RAD51B: variants seen among roughly 807,000 people sequenced by gnomAD.
The protein encoded by RAD51B is DNA repair protein RAD51 homolog 2.
Under a neutral mutation model 42.2 loss-of-function variants are expected in RAD51B, and 38 were observed. The observed-to-expected ratio is 0.90, with a 90% CI of 0.70 to 1.18. The LOEUF is 1.18. RAD51B is among the 50% of genes most tolerant of loss of function. The pLI, the probability that RAD51B is intolerant of heterozygous loss-of-function variation, is 0.00. For synonymous variants in RAD51B, 154 were observed against 145.2 expected, an observed-to-expected ratio of 1.06 and a Z score of -0.43; for missense variants, 373 against 400.7, an observed-to-expected ratio of 0.93 and a Z score of 0.59.
intron 7 of RAD51B, among the ~76,000 whole-genome samples, chr14:68,089,465 C>A (rs1350202298): frequency 6.6e-6 from 1 of 152,184 alleles, no homozygotes. Context: ...AGTGACCCAG[C>A]AGGGGGCTGG....
intron 5 of RAD51B, among the ~76,000 whole-genome samples, chr14:67,881,528 G>A (rs958288036): frequency 6.6e-6 from 1 of 152,120 alleles, no homozygotes; most frequent in African/African-American, 2.4e-5. Flanking sequence ...TGCCCCATAA[G>A]TTCTAGCCAC....
At chr14:68,628,174 A>G (rs760642558) in intron 10 of RAD51B, among the ~76,000 whole-genome samples, 2 of 152,188 alleles carry the variant, frequency 1.3e-5, no homozygotes, top group Non-Finnish European at 2.9e-5. Context: ...GTCATTGAAA[A>G]TTTGGGTTCT....
chr14:68,088,134 A>G (rs946304802), intron 7 of RAD51B, among the ~76,000 whole-genome samples: 1 of 149,968 alleles, frequency 6.7e-6, no homozygotes, highest in African/African-American at 2.5e-5. Flanking sequence ...GATCAAAATC[A>G]AGGATCTCAT....
At chr14:68,460,589 G>A (rs1467326892) in intron 9 of RAD51B, among the ~76,000 whole-genome samples, 5 of 152,146 alleles carry the variant, frequency 3.3e-5, no homozygotes, top group African/African-American at 7.2e-5. Context: ...TCAGATGAGG[G>A]CCACACCTAT....
rs189830720 is a variant in RAD51B, at chr14:68,633,176, C to T, written c.1037-17605C>T. On this transcript the variant is annotated intron_variant, in intron 10 of 11. Coordinates refer to the RAD51B transcript ENST00000488612. Reference sequence around the variant, plus strand: ...ATGCCATTGCCTCCTGGCTAAACTGCTCTCCACACAAGTTAGTTCCACAGA... The same window carrying T: ...ATGCCATTGCCTCCTGGCTAAACTGTTCTCCACACAAGTTAGTTCCACAGA... Among the ~76,000 whole-genome samples the T allele has an allele frequency of 9.4e-4, 142 of 151,708 alleles. 3 individuals carry two copies. The highest frequency in any genetic ancestry group is 9.3e-3 in the Admixed American group (141 of 15,226).
chr14:67,842,702 A>G (rs180836213), intron 4 of RAD51B, among the ~76,000 whole-genome samples: 1 of 152,310 alleles, frequency 6.6e-6, no homozygotes, highest in Non-Finnish European at 1.5e-5. Flanking sequence ...TGCTCTGGCT[A>G]GGACTTCCTG....
At chr14:67,965,534 C>A (rs1595176678) in intron 7 of RAD51B, among the ~76,000 whole-genome samples, 1 of 152,062 alleles carries the variant, frequency 6.6e-6, no homozygotes, top group Admixed American at 6.6e-5. Context: ...TCCCCATTAA[C>A]ACATAAGGGA....
At chr14:67,872,730 C>G (rs1181472610) in intron 5 of RAD51B, among the ~76,000 whole-genome samples, 4 of 150,946 alleles carry the variant, frequency 2.6e-5, no homozygotes, top group Non-Finnish European at 4.4e-5. Flanking sequence ...GGTACTGGTA[C>G]CAAAACAGAG....
chr14:67,848,304 A>C (rs185095497), intron 4 of RAD51B, among the ~76,000 whole-genome samples: 6 of 152,350 alleles, frequency 3.9e-5, no homozygotes, highest in African/African-American at 1.2e-4. Flanking sequence ...GGCGTGAGCC[A>C]CCACGCCTGG....
At chr14:68,656,196 C>G (rs1171320900) in intron 11 of RAD51B, among the ~76,000 whole-genome samples, 4 of 152,156 alleles carry the variant, frequency 2.6e-5, no homozygotes, top group African/African-American at 7.2e-5. Flanking sequence ...TTTGAAAAGC[C>G]TGGACCCTGC....
intron 10 of RAD51B, among the ~76,000 whole-genome samples, chr14:68,619,270 C>T (rs1480983331): frequency 2.0e-5 from 3 of 151,956 alleles, no homozygotes; most frequent in Non-Finnish European, 2.9e-5. Flanking sequence ...GTCCAGAGAT[C>T]GAGACCATCC....
At chr14:68,054,080 G>A (rs1460649119) in intron 7 of RAD51B, among the ~76,000 whole-genome samples, 2 of 152,078 alleles carry the variant, frequency 1.3e-5, no homozygotes, top group African/African-American at 4.8e-5. Flanking sequence ...TGAAAACAAG[G>A]ACAGTCTCTT....
intron 10 of RAD51B, among the ~76,000 whole-genome samples, chr14:68,639,391 C>T (rs4643253): frequency 0.58 from 87,456 of 150,422 alleles, 25,934 homozygotes; most frequent in East Asian, 0.77. Context: ...TGGCAGGAGG[C>T]TTTTATGAGC....
intron 9 of RAD51B, among the ~76,000 whole-genome samples, chr14:68,428,466 G>A (rs1245442716): frequency 6.6e-6 from 1 of 151,888 alleles, no homozygotes; most frequent in African/African-American, 2.4e-5. Flanking sequence ...TACAGCAGAT[G>A]TCTGGAACTT....
intron 8 of RAD51B, among the ~76,000 whole-genome samples, chr14:68,297,733 A>G (rs2139679419): frequency 6.6e-6 from 1 of 152,322 alleles, no homozygotes; most frequent in South Asian, 2.1e-4. Context: ...TAGCTTTTCC[A>G]TAGTATTTTT....
At chr14:68,167,751 G>A (rs974621517) in intron 7 of RAD51B, among the ~76,000 whole-genome samples, 2 of 152,078 alleles carry the variant, frequency 1.3e-5, no homozygotes, top group Admixed American at 6.6e-5. Flanking sequence ...TTCATAGACA[G>A]TCTGACATTT....
intron 7 of RAD51B, chr14:68,125,391 A>G (rs1342006532): frequency 1.3e-5 from 2 of 152,170 alleles, no homozygotes; most frequent in East Asian, 1.9e-4. Context: ...GCTTGTTTCC[A>G]TGAGAGCTGG....
intron 8 of RAD51B, among the ~76,000 whole-genome samples, chr14:68,312,001 T>C (rs922791185): frequency 6.6e-6 from 1 of 152,254 alleles, no homozygotes; most frequent in African/African-American, 2.4e-5. Flanking sequence ...CAATTCATGT[T>C]GTACAAATCA....
At chr14:68,358,055 G>A (rs1490323487) in intron 8 of RAD51B, among the ~76,000 whole-genome samples, 1 of 152,190 alleles carries the variant, frequency 6.6e-6, no homozygotes, top group Non-Finnish European at 1.5e-5. Flanking sequence ...GGGAAGGGCT[G>A]GTTGTTGGAA....
Sources: allele counts gnomAD v4.1 joint callset (sites outside exome capture counted in the v4.1 genomes callset), GRCh38; gene constraint gnomAD v4.1.1; transcripts MANE v1.5; gene names NCBI Gene and HGNC (gene_info 2026-07-23, HGNC 2026-07-21).